FAT2: variants seen among roughly 807,000 people sequenced by gnomAD.
FAT2 encodes FAT atypical cadherin 2, also known as protocadherin Fat 2.
Under a neutral mutation model 295.3 loss-of-function variants are expected in FAT2, and 150 were observed. The ratio of observed to expected loss-of-function variants is 0.51; its 90% CI spans 0.44 to 0.58. The LOEUF is 0.58. Among genes scored for constraint, FAT2 ranks in the 20% least tolerant of loss-of-function variants. The pLI, the probability that FAT2 is intolerant of heterozygous loss-of-function variation, is 0.00. For synonymous variants in FAT2, 2,026 were observed against 2,150.3 expected, an observed-to-expected ratio of 0.94 and a Z score of 1.60; for missense variants, 4,868 against 5,442.7, an observed-to-expected ratio of 0.89 and a Z score of 3.32.
At chr5:151,593,079 T>A (rs1759473781), upstream of FAT2, among the ~76,000 whole-genome samples, 1 of 152,158 alleles carries the variant, frequency 6.6e-6, no homozygotes, top group Admixed American at 6.5e-5. Context: ...ACAAGCTGCC[T>A]CCGCCCCGGA....
In FAT2 at chr5:151,591,167, G is replaced by A. The variant is rs1759389816; in HGVS notation, c.-23C>T. 6.6e-6 allele frequency among the ~76,000 whole-genome samples: 1 copy of A among 152,212 alleles called. No homozygotes were observed. The highest frequency in any genetic ancestry group is 1.5e-5 in the Non-Finnish European group (1 of 68,040). On this transcript the variant is annotated splice_region_variant and 5_prime_UTR_variant, in exon 1 of 24. Transcript: ENST00000261800. Reference sequence around the variant, plus strand: ...TCCCATCCTCCAGCAATTCTTACCTGTGCCCTTCAGGTAGGGGAGGGTGCC... The same window carrying A: ...TCCCATCCTCCAGCAATTCTTACCTATGCCCTTCAGGTAGGGGAGGGTGCC...
chr5:151,532,719 G>A (rs1754787125), intron 13 of FAT2, among the ~76,000 whole-genome samples: 1 of 152,104 alleles, frequency 6.6e-6, no homozygotes, highest in South Asian at 2.1e-4. Flanking sequence ...ATTTTCTTTG[G>A]TTAAGTACCA....
Position 151,521,809 on chromosome 5 carries a change from C to G in FAT2, c.10784G>C (p.Arg3595Pro), listed in dbSNP as rs201911469. 8 of 1,614,154 alleles carry G rather than the reference C, an allele frequency of 5.0e-6. No homozygotes were observed. The East Asian group carries it at 1.8e-4, about 36-fold the overall frequency. Residue 3595 changes from arginine (R) to proline (P), a missense_variant, in exon 19 of 24, where the codon CGT (arginine) becomes CCT (proline). Transcript: ENST00000261800. ...CGTGACGTTGAACGAGTAGTGGCCA[C>G]GAGGCAGGCCCTGGGCGGCGATAAT... ...GKIIAAQGLP[R>P]GHYSFNVTVS...
chr5:151,534,537 G>T lies in FAT2; in HGVS notation c.9299C>A (p.Thr3100Asn), dbSNP rs754511766. Residue 3100 changes from threonine (T) to asparagine (N), a missense_variant, in exon 13 of 24, where the codon ACC becomes AAC. Transcript: ENST00000261800. ...GTCATTCACATCCTCCACATGGAGG[G>T]TGATGTCTGCCTGGCACGATCGGCC... Reference protein sequence around the residue: ...GGGRSCQADITLHVEDVNDNA... With the variant: ...GGGRSCQADINLHVEDVNDNA... 1.1e-4 allele frequency: 172 copies of T among 1,613,986 alleles called. 2 individuals are homozygous for T. In the South Asian group the frequency reaches 1.8e-3, roughly 17 times the overall value.
rs749718343 is a variant in FAT2, at chr5:151,512,227, C to T, written c.11843G>A (p.Ser3948Asn). 1 of 1,614,210 alleles carries T rather than the reference C, an allele frequency of 6.2e-7. No homozygotes were observed. The highest frequency in any genetic ancestry group is 8.5e-7 in the Non-Finnish European group (1 of 1,180,036). ...TQALTQCCLH[S>N]DYCSQNTCLN... ...GCATGTGTTCTGGCTGCAGTAGTCA[C>T]TGTGGAGGCAGCACTGGGTGAGGGC... Residue 3948 changes from serine (S) to asparagine (N), a missense_variant, in exon 21 of 24, where the codon AGT becomes AAT. By Grantham distance (46) the Ser-to-Asn change is conservative (BLOSUM62 1). This residue lies in a region of FAT2 where 24 missense variants were observed against 53.3 expected (regional missense o/e 0.45). Transcript: ENST00000261800. This position sits in a 1 kb window ranked among gnomAD's most constrained non-coding sequence, Gnocchi z 4.1.
At chr5:151,585,233 G>T (rs1759123796) in intron 1 of FAT2, among the ~76,000 whole-genome samples, 1 of 152,220 alleles carries the variant, frequency 6.6e-6, no homozygotes, top group African/African-American at 2.4e-5. Flanking sequence ...CCAGTGACTG[G>T]CAACGGGCAC....
At chr5:151,562,401 G>A (rs966603054) in intron 3 of FAT2, among the ~76,000 whole-genome samples, 2 of 152,130 alleles carry the variant, frequency 1.3e-5, no homozygotes, top group African/African-American at 4.8e-5. Context: ...GGAAGATGAG[G>A]CTTTAAGAAG....
rs1163574341 is a variant in FAT2 at position 151,504,616 on chromosome 5, C to A, written c.*949G>T. On this transcript the variant is annotated 3_prime_UTR_variant, in exon 24 of 24. Coordinates refer to ENST00000261800, the MANE Select transcript of FAT2 (RefSeq NM_001447.3). ...CGGCCCTAAATAGGAGTTCAGACTT[C>A]CTTGTGTCTAGGGAAGAAAAATCCC... is the stretch of plus-strand genomic sequence containing the variant. The A allele has an allele frequency of 6.5e-6, 1 of 152,690 alleles. No individual in the cohort carries two copies. The highest frequency in any genetic ancestry group is 1.5e-5 in the Non-Finnish European group (1 of 68,052). 9.5% of individuals were successfully genotyped at this position (152,690 alleles called of 1,614,324 possible).
Position 151,566,167 on chromosome 5 carries a change from G to A in FAT2, c.2765C>T (p.Ser922Phe), listed in dbSNP as rs754367089. 21 of 1,614,154 alleles carry A rather than the reference G, an allele frequency of 1.3e-5. No homozygotes were observed. The highest frequency in any genetic ancestry group is 1.8e-5 in the Non-Finnish European group (21 of 1,180,026). Residue 922 changes from serine (S) to phenylalanine (F), a missense_variant, in exon 2 of 24, where the codon TCT (serine) becomes TTT (phenylalanine). This residue lies in a region of FAT2 where 3,297 missense variants were observed against 3,669.4 expected (regional missense o/e 0.90). Coordinates refer to ENST00000261800, the MANE Select transcript of FAT2 (RefSeq NM_001447.3). ...IITLEDVNDN[S>F]PQCITEHNRL... is the part of the protein sequence containing the mutation. ...GTTGTGTTCTGTGATGCACTGGGGAGAGTTGTCGTTGACATCCTCCAATGT... is the reference window on the plus strand; with the variant it reads ...GTTGTGTTCTGTGATGCACTGGGGAAAGTTGTCGTTGACATCCTCCAATGT...
chr5:151,521,710 T>C lies in FAT2; in HGVS notation c.10883A>G (p.Gln3628Arg), dbSNP rs976901864. Residue 3628 changes from glutamine to arginine, a missense_variant, in exon 19 of 24, where the codon CAG becomes CGG. Physicochemically the swap from Gln to Arg is conservative, Grantham distance 43. Transcript: ENST00000261800. Reference sequence around the variant, plus strand: ...GTAGAAGCCCATCCACATGGCCTGCTGCAGAGCCTCCTGCCCCACATGCCA... The same window carrying C: ...GTAGAAGCCCATCCACATGGCCTGCCGCAGAGCCTCCTGCCCCACATGCCA... ...YVWHVGQEALQQAMWMGFYQL... is the reference protein window; with the variant it reads ...YVWHVGQEALRQAMWMGFYQL... 2 of 1,613,946 alleles carry C rather than the reference T, an allele frequency of 1.2e-6. No homozygotes were observed. Among genetic ancestry groups the C allele is most frequent in the Non-Finnish European group, 1.7e-6 (2 of 1,179,994 alleles).
rs773788003 is a variant in FAT2 at position 151,531,941 on chromosome 5, G to T, written c.9457C>A (p.Pro3153Thr). 1.2e-6 allele frequency: 2 copies of T among 1,614,110 alleles called. No individual in the cohort carries two copies. Among genetic ancestry groups the T allele is most frequent in the African/African-American group, 2.7e-5 (2 of 74,952 alleles). Residue 3153 changes from proline (P) to threonine (T), a missense_variant, in exon 14 of 24, where the codon CCG becomes ACG. Physicochemically the swap from Pro to Thr is conservative, Grantham distance 38. This residue lies in a region of FAT2 where 1,046 missense variants were observed against 1,210.1 expected (regional missense o/e 0.86). Transcript: ENST00000261800. This position sits in a 1 kb window ranked among gnomAD's most constrained non-coding sequence, Gnocchi z 5.7. ...GAAAAGTGGCCTTCGGCTGAATCCG[G>T]CAGAGAGTAAACCACCTGGGCATTG... ...GANAQVVYSL[P>T]DSAEGHFSID...
chr5:151,546,008 A>C lies in FAT2; in HGVS notation c.5119T>G (p.Ser1707Ala). The C allele has an allele frequency of 6.2e-7, 1 of 1,614,196 alleles. No individual in the cohort carries two copies. Among genetic ancestry groups the C allele is most frequent in the Non-Finnish European group, 8.5e-7 (1 of 1,180,038 alleles). Residue 1707 changes from serine to alanine, a missense_variant, in exon 10 of 24, where the codon TCA (serine) becomes GCA (alanine). Around this residue, in one of 5 missense-constraint regions of FAT2, gnomAD observed 3,297 missense variants for 3,669.4 expected, o/e 0.90. Coordinates refer to ENST00000261800, the MANE Select transcript of FAT2 (RefSeq NM_001447.3). ...GNKDGVFSMN[S>A]YSGLISTQKK... is the part of the protein sequence containing the mutation. The stretch of plus-strand genomic sequence containing the variant: ...TGGGTGGAAATAAGGCCAGAATATG[A>C]GTTCATAGAGAAGACTCCATCCTTA...
intron 3 of FAT2, among the ~76,000 whole-genome samples, chr5:151,562,800 C>T (rs114322462): frequency 0.011 from 1,648 of 152,328 alleles, 29 homozygotes; most frequent in African/African-American, 0.037. Context: ...TTCTCCCAAC[C>T]ATCCACCATC....
intron 1 of FAT2, among the ~76,000 whole-genome samples, chr5:151,584,356 T>C (rs147783460): frequency 1.0e-3 from 159 of 152,288 alleles, no homozygotes; most frequent in African/African-American, 3.4e-3. Flanking sequence ...TTCCAGCTCA[T>C]TGGGGCTTAC....
In FAT2 at chr5:151,512,049, G is replaced by A. The variant is rs1581275616; in HGVS notation, c.11905+116C>T. The A allele has an allele frequency of 2.2e-6, 2 of 911,152 alleles. No homozygotes were observed. Among genetic ancestry groups the A allele is most frequent in the Non-Finnish European group, 1.7e-6 (1 of 602,088 alleles). 56.4% of individuals were successfully genotyped at this position (911,152 alleles called of 1,614,324 possible). On this transcript the variant is annotated intron_variant, in intron 21 of 23. Coordinates refer to ENST00000261800, the MANE Select transcript of FAT2 (RefSeq NM_001447.3). The surrounding 1 kb of genome is among the most constrained non-coding windows in gnomAD (Gnocchi z 4.1). ...CCAACCTGTTACTCACAAGTTAGGG[G>A]AAGAGAGAGAAATTTGGAACCAGGA...
chr5:151,511,354 T>C (rs2127569395), intron 21 of FAT2: 1 of 152,284 alleles, frequency 6.6e-6, no homozygotes, highest in East Asian at 1.9e-4. Flanking sequence ...GGCATGTGGG[T>C]ACACAGGAAC....
intron 22 of FAT2, 34 bp from the exon 23 acceptor site, chr5:151,507,645 T>C (rs372619398): frequency 2.6e-6 from 4 of 1,552,840 alleles, no homozygotes; most frequent in Middle Eastern, 1.9e-4. Context: ...GGCCAAGTCA[T>C]GAAATTGCCC....
chr5:151,526,044 T>G (rs1210076826), intron 17 of FAT2, 79 bp from the exon 18 acceptor site: 4 of 1,388,964 alleles, frequency 2.9e-6, no homozygotes, highest in Non-Finnish European at 4.0e-6. Flanking sequence ...GGGTATGTCA[T>G]CTGGAATGAG....
intron 8 of FAT2, 61 bp from the exon 9 acceptor site, chr5:151,549,566 G>T: frequency 6.8e-7 from 1 of 1,473,776 alleles, no homozygotes; most frequent in South Asian, 1.2e-5. Context: ...GGCAGGGTTA[G>T]GGTAAGGTTA....
Sources: gnomAD v4.1 joint callset for allele counts (sites outside exome capture counted in the v4.1 genomes callset) on GRCh38, gnomAD v4.1.1 for gene constraint, gnomAD v4.1.1 regional missense constraint, Gnocchi (gnomAD v3.1) non-coding constraint, MANE v1.5 for transcripts, NCBI Gene and HGNC (gene_info 2026-07-23, HGNC 2026-07-21) for gene names.